CCDC3: variants seen among roughly 807,000 people sequenced by gnomAD.
The protein encoded by CCDC3 is coiled-coil domain containing 3, also known as coiled-coil domain-containing protein 3.
CCDC3 carries 24 observed loss-of-function variants against 21.4 expected under a neutral mutation model. The observed-to-expected ratio is 1.12, with a 90% CI of 0.81 to 1.58. The LOEUF is 1.58. Ranked by LOEUF, CCDC3 falls within the 40% of genes most tolerant of loss-of-function variation. The pLI is 0.00. For missense variants in CCDC3, 425 were observed against 360.9 expected (o/e 1.18, Z -1.44); for synonymous variants, 186 against 166.0 (o/e 1.12, Z -0.93).
At chr10:13,018,911 T>C (rs760903304) in intron 5 of CCDC3, among the ~76,000 whole-genome samples, 6 of 149,026 alleles carry the variant, frequency 4.0e-5, no homozygotes, top group Admixed American at 6.7e-5. Context: ...CACTCCAGCC[T>C]AGATGACAAG....
intron 5 of CCDC3, among the ~76,000 whole-genome samples, chr10:13,040,699 A>T (rs1350987600): frequency 5.3e-5 from 8 of 151,282 alleles, no homozygotes; most frequent in Non-Finnish European, 8.8e-5. Context: ...ACACACACAC[A>T]CACACACACA....
chr10:13,022,873 A>T (rs1255249250), intron 5 of CCDC3, among the ~76,000 whole-genome samples: 1 of 152,196 alleles, frequency 6.6e-6, no homozygotes, highest in East Asian at 1.9e-4. Context: ...TACAAAGTTG[A>T]TGAAAGTGAT....
intron 3 of CCDC3, among the ~76,000 whole-genome samples, chr10:13,095,170 T>G (rs960961418): frequency 2.0e-5 from 3 of 152,074 alleles, no homozygotes; most frequent in African/African-American, 7.2e-5. Context: ...CACCTAGAAG[T>G]GGAATTGCTG....
intron 4 of CCDC3, among the ~76,000 whole-genome samples, chr10:13,071,049 T>G (rs1441889053): frequency 1.3e-5 from 2 of 152,206 alleles, no homozygotes; most frequent in African/African-American, 2.4e-5. Context: ...TGAGCAGTTA[T>G]CCTGCAAATC....
chr10:12,961,802 GC>G (rs780607813), intron 2 of CCDC3, among the ~76,000 whole-genome samples: 4 of 152,152 alleles, frequency 2.6e-5, no homozygotes, highest in Admixed American at 6.5e-5. Flanking sequence ...GGTTCATGCT[GC>G]TCAACCCCTC....
chr10:13,048,965 C>G (rs2131423759), intron 5 of CCDC3, among the ~76,000 whole-genome samples: 1 of 152,116 alleles, frequency 6.6e-6, no homozygotes, highest in African/African-American at 2.4e-5. Flanking sequence ...GCTACATAGT[C>G]ATGATGAAGA....
chr10:12,919,323 C>T (rs1834408938), intron 2 of CCDC3, among the ~76,000 whole-genome samples: 2 of 151,996 alleles, frequency 1.3e-5, no homozygotes, highest in South Asian at 4.2e-4. Flanking sequence ...GGCAAGGTGG[C>T]TCACGCCTGT....
At chr10:13,060,788 G>C (rs539484291) in intron 4 of CCDC3, among the ~76,000 whole-genome samples, 22 of 152,254 alleles carry the variant, frequency 1.4e-4, no homozygotes, top group African/African-American at 5.1e-4. Context: ...TTACAGGTGT[G>C]AGCCACCACA....
intron 4 of CCDC3, among the ~76,000 whole-genome samples, chr10:13,065,815 A>G (rs1210654669): frequency 2.0e-5 from 3 of 152,202 alleles, no homozygotes; most frequent in Non-Finnish European, 4.4e-5. Context: ...ATATATATAT[A>G]TCAGTCATTA....
intron 5 of CCDC3, among the ~76,000 whole-genome samples, chr10:13,038,374 C>CAAAAAAAAAAAAAAAAAAAAAAAAAA (rs58667035): frequency 1.0e-5 from 1 of 98,844 alleles, no homozygotes. Flanking sequence ...AGTTGGAAAG[C>CAAAAAAAAAAAAAAAAAAAAAAAAAA]AAAAAAAAAA....
intron 2 of CCDC3, among the ~76,000 whole-genome samples, chr10:12,966,617 C>T (rs1835266557): frequency 6.6e-6 from 1 of 152,144 alleles, no homozygotes; most frequent in South Asian, 2.1e-4. Flanking sequence ...CAGACATGGG[C>T]TACGGTTTTC....
At chr10:12,993,339 C>T (rs1468521300) in intron 2 of CCDC3, among the ~76,000 whole-genome samples, 2 of 152,176 alleles carry the variant, frequency 1.3e-5, no homozygotes, top group Non-Finnish European at 2.9e-5. Context: ...TGCCCACGGT[C>T]ATTCCTCTGG....
At chr10:12,936,238 G>T (rs572755802) in intron 2 of CCDC3, among the ~76,000 whole-genome samples, 6 of 152,162 alleles carry the variant, frequency 3.9e-5, no homozygotes, top group African/African-American at 9.6e-5. Context: ...TTGTAGGGTT[G>T]TTTTTTTCTC....
In CCDC3 at chr10:13,001,619, C is replaced by T; in HGVS notation, c.-49G>A. 9.2e-7 allele frequency: 1 copy of T among 1,085,512 alleles called. No individual in the cohort carries two copies. The highest frequency in any genetic ancestry group is 1.1e-6 in the Non-Finnish European group (1 of 894,996). 67.2% of individuals were successfully genotyped at this position (1,085,512 alleles called of 1,614,324 possible). A position where few individuals can be genotyped will look rare whatever the true frequency, so the allele number is the denominator to read the frequency against. ...GGGCGGCGGCGGGGAGCCCGGGGAG[C>T]CCGCCGGCCCGGGAAGGGCAGCCCT... On this transcript the variant is annotated 5_prime_UTR_variant, in exon 1 of 3. Coordinates refer to ENST00000378825, the MANE Select transcript of CCDC3 (RefSeq NM_031455.4).
chr10:13,076,907 T>C (rs1466785386), intron 3 of CCDC3, among the ~76,000 whole-genome samples: 1 of 152,126 alleles, frequency 6.6e-6, no homozygotes, highest in African/African-American at 2.4e-5. Context: ...ACAAGCTGCA[T>C]AAGGGACAAA....
rs752966677 is a variant in CCDC3 at position 13,079,272 on chromosome 10, GC to G, written c.-502-5173del. 6.4e-4 allele frequency among the ~76,000 whole-genome samples: 4 copies of G among 6,218 alleles called. No individual in the cohort carries two copies. The Non-Finnish European group carries it at 0.019, about 30-fold the overall frequency. The allele number at this position is 6,218 out of a possible 152,430, so 4.1% of individuals were successfully genotyped here. A position where few individuals can be genotyped will look rare whatever the true frequency, so the allele number is the denominator to read the frequency against. On this transcript the variant is annotated intron_variant, in intron 3 of 6. Transcript: ENST00000378839. ...CTAGTCCTCTCTCATGAGGAGGCAC[GC>G]GTTGTGGCCTTAGGGGTAAGGAATC...
intron 2 of CCDC3, among the ~76,000 whole-genome samples, chr10:12,948,469 AC>A (rs1834954857): frequency 7.1e-4 from 4 of 5,672 alleles, no homozygotes; most frequent in South Asian, 0.011. Context: ...AGACAATTGC[AC>A]ACACACACAC....
At chr10:12,959,504 CCT>C (rs1467340486) in intron 2 of CCDC3, among the ~76,000 whole-genome samples, 1 of 152,142 alleles carries the variant, frequency 6.6e-6, no homozygotes, top group Non-Finnish European at 1.5e-5. Context: ...CTTCATGATT[CCT>C]CAGCACAGTG....
At chr10:13,088,831 T>G (rs559307798) in intron 3 of CCDC3, among the ~76,000 whole-genome samples, 2 of 152,256 alleles carry the variant, frequency 1.3e-5, no homozygotes, top group South Asian at 4.1e-4. Flanking sequence ...GAGACCAGCC[T>G]GGCCAATATA....
Sources: allele counts gnomAD v4.1 joint callset (sites outside exome capture counted in the v4.1 genomes callset), GRCh38; gene constraint gnomAD v4.1.1; transcripts MANE v1.5; gene names NCBI Gene and HGNC (gene_info 2026-07-23, HGNC 2026-07-21).